NLGN1: variants seen among roughly 807,000 people sequenced by gnomAD.
NLGN1 encodes the protein neuroligin 1.
A neutral mutation model predicts 65.5 loss-of-function variants in NLGN1; 12 were observed. The observed-to-expected ratio is 0.18, with a 90% confidence interval of 0.12 to 0.30. NLGN1 has a LOEUF of 0.30. NLGN1 is among the 10% of genes least tolerant of loss of function. The probability of loss-of-function intolerance (pLI) is 1.00; values close to 1 mark genes in which losing one functional copy is unlikely to be tolerated. For missense variants in NLGN1, 750 were observed against 1,007.1 expected (o/e 0.74, Z 3.46); for synonymous variants, 350 against 359.5 (o/e 0.97, Z 0.30).
intron 4 of NLGN1, among the ~76,000 whole-genome samples, chr3:173,999,584 C>T (rs1458277940): frequency 2.0e-5 from 3 of 152,070 alleles, no homozygotes; most frequent in Non-Finnish European, 1.5e-5. Flanking sequence ...AAAATACTGA[C>T]CTTTATTCTC....
At chr3:173,916,363 A>G (rs1423838407) in intron 4 of NLGN1, among the ~76,000 whole-genome samples, 1 of 152,080 alleles carries the variant, frequency 6.6e-6, no homozygotes, top group Non-Finnish European at 1.5e-5. Flanking sequence ...TCATTCATTC[A>G]CTCATTCATT....
intron 4 of NLGN1, among the ~76,000 whole-genome samples, chr3:174,076,702 AGAGAGAGAGAGAGAGAGAGAGAGTGTGT>A (rs1240567715): frequency 1.4e-5 from 2 of 144,972 alleles, no homozygotes; most frequent in African/African-American, 5.3e-5. Flanking sequence ...AGAGAGAGAG[AGAGAGAGAGAGAGAGAGAGAGAGTGTGT>A]GTGTGTGTGT....
chr3:173,771,849 T>G (rs1344549084), intron 3 of NLGN1, among the ~76,000 whole-genome samples: 1 of 151,812 alleles, frequency 6.6e-6, no homozygotes, highest in African/African-American at 2.4e-5. Context: ...AATTAAAATA[T>G]AATTATAATT....
intron 4 of NLGN1, among the ~76,000 whole-genome samples, chr3:174,160,650 C>T (rs995075912): frequency 1.3e-5 from 2 of 150,626 alleles, no homozygotes; most frequent in Non-Finnish European, 3.0e-5. Flanking sequence ...TTTATCTTGT[C>T]TCCTTCCTAT....
intron 1 of NLGN1, among the ~76,000 whole-genome samples, chr3:173,428,788 A>G (rs1457701563): frequency 3.3e-5 from 5 of 151,206 alleles, no homozygotes; most frequent in Non-Finnish European, 7.4e-5. Flanking sequence ...TTTTTTTTTC[A>G]TATTGAATAA....
At chr3:173,755,689 ATAAT>A (rs1203120343) in intron 3 of NLGN1, among the ~76,000 whole-genome samples, 2 of 152,102 alleles carry the variant, frequency 1.3e-5, no homozygotes, top group African/African-American at 2.4e-5. Context: ...AGACTAATTA[ATAAT>A]TAAGGAGGGA....
intron 2 of NLGN1, among the ~76,000 whole-genome samples, chr3:173,451,814 A>G (rs989682082): frequency 3.3e-5 from 5 of 152,074 alleles, no homozygotes; most frequent in Admixed American, 1.3e-4. Context: ...TCAGACTGCT[A>G]TGCTAGCATG....
chr3:173,762,765 C>T (rs1778172793), intron 3 of NLGN1, among the ~76,000 whole-genome samples: 2 of 151,944 alleles, frequency 1.3e-5, no homozygotes, highest in East Asian at 1.9e-4. Context: ...TAGTCATCGA[C>T]GCTGATTCTG....
intron 1 of NLGN1, among the ~76,000 whole-genome samples, chr3:173,403,863 G>A (rs763497046): frequency 5.3e-5 from 8 of 151,952 alleles, no homozygotes; most frequent in Non-Finnish European, 1.0e-4. Flanking sequence ...GAGTGCCATC[G>A]CGCATCACTC....
chr3:173,406,877 T>TA (rs1560208596), intron 1 of NLGN1, among the ~76,000 whole-genome samples: 1 of 152,158 alleles, frequency 6.6e-6, no homozygotes. Flanking sequence ...CTGCTTTGCT[T>TA]AAAAAGTGAG....
At chr3:174,014,297 A>G (rs1041852601) in intron 4 of NLGN1, among the ~76,000 whole-genome samples, 2 of 152,192 alleles carry the variant, frequency 1.3e-5, no homozygotes, top group Admixed American at 6.5e-5. Context: ...TTCTTACACA[A>G]TAAACTCCAG....
chr3:173,795,461 A>G lies in NLGN1; in HGVS notation c.494-12219A>G, dbSNP rs535807425. Among the ~76,000 whole-genome samples, 189 of 152,256 alleles carry G rather than the reference A, an allele frequency of 1.2e-3. 1 individual carries two copies. The highest frequency in any genetic ancestry group is 4.4e-3 in the African/African-American group (181 of 41,564). On this transcript the variant is annotated intron_variant, in intron 3 of 6. Coordinates refer to ENST00000457714, the Ensembl canonical transcript of NLGN1. Reference sequence around the variant, plus strand: ...TAACTTTTTGTTGAATAAATATAGTAATATCAAATTAGCGAGAATGATTCC... The same window carrying G: ...TAACTTTTTGTTGAATAAATATAGTGATATCAAATTAGCGAGAATGATTCC...
intron 3 of NLGN1, among the ~76,000 whole-genome samples, chr3:173,712,456 A>T (rs1235023842): frequency 6.6e-6 from 1 of 152,160 alleles, no homozygotes; most frequent in East Asian, 1.9e-4. Flanking sequence ...TCAGTGGTTA[A>T]GATTTAGGAT....
At chr3:173,815,767 G>A (rs6790407) in intron 4 of NLGN1, among the ~76,000 whole-genome samples, 120,037 of 152,058 alleles carry the variant, frequency 0.79, 48,436 homozygotes, top group Non-Finnish European at 0.85. Context: ...TCAAAACCAT[G>A]TCTTCAAGAC....
intron 2 of NLGN1, among the ~76,000 whole-genome samples, chr3:173,539,679 CATACATAT>C (rs1738266788): frequency 1.2e-5 from 1 of 80,038 alleles, no homozygotes. Flanking sequence ...ACATATATAA[CATACATAT>C]ATGTACATAT....
intron 4 of NLGN1, among the ~76,000 whole-genome samples, chr3:173,983,209 G>T (rs1165748573): frequency 1.3e-5 from 2 of 151,980 alleles, no homozygotes. Context: ...AGTCTTACTT[G>T]GGCACTGTCA....
intron 2 of NLGN1, among the ~76,000 whole-genome samples, chr3:173,490,933 C>G (rs370812422): frequency 1.3e-5 from 2 of 151,802 alleles, no homozygotes; most frequent in East Asian, 1.9e-4. Flanking sequence ...GTGATTTTTG[C>G]ACATTGATTT....
chr3:173,745,676 C>A (rs2150126919), intron 3 of NLGN1, among the ~76,000 whole-genome samples: 1 of 152,098 alleles, frequency 6.6e-6, no homozygotes, highest in South Asian at 2.1e-4. Flanking sequence ...CTAGATCACA[C>A]TGCAGGTGTT....
At chr3:174,089,462 C>G (rs913862254) in intron 4 of NLGN1, among the ~76,000 whole-genome samples, 1 of 152,100 alleles carries the variant, frequency 6.6e-6, no homozygotes, top group Non-Finnish European at 1.5e-5. Context: ...AAAACAGCAG[C>G]CTTCCTTGAA....
Sources: gnomAD v4.1 joint callset for allele counts (sites outside exome capture counted in the v4.1 genomes callset) on GRCh38, gnomAD v4.1.1 for gene constraint, MANE v1.5 for transcripts, NCBI Gene and HGNC (gene_info 2026-07-23, HGNC 2026-07-21) for gene names.